The following POC5 variants were observed in gnomAD, a reference collection of about 807,000 sequenced individuals.
The protein encoded by POC5 is POC5 centriolar protein, also known as centrosomal protein POC5.
POC5 carries 48 observed loss-of-function variants against 62.9 expected under a neutral mutation model. That is an observed-to-expected ratio of 0.76 (90% CI 0.61 to 0.97). The LOEUF is 0.97. POC5 is among the 50% of genes least tolerant of loss of function. POC5 has a pLI of 0.00. For missense variants in POC5, 696 were observed against 679.5 expected (o/e 1.02, Z -0.27); for synonymous variants, 236 against 228.2 (o/e 1.03, Z -0.31).
At position 75,677,818 on chromosome 5, in the gene POC5, G is replaced by A. The variant is rs529909612; in HGVS notation, c.1540C>T (p.Pro514Ser). ...TTTTCCACAACAACTGAGCTCATGG[G>A]AGGAGAAACTCCCATTATAGCTAAA... ...SSLAIMGVSP[P>S]MSSVVVEKHH... Residue 514 changes from proline to serine, a missense_variant, in exon 11 of 12, where the codon CCC becomes TCC. Transcript: ENST00000428202. 6 of 1,612,274 alleles carry A rather than the reference G, an allele frequency of 3.7e-6. No individual in the cohort carries two copies. The South Asian group carries it at 5.5e-5, about 15-fold the overall frequency.
chr5:75,690,544 C>A lies in POC5; in HGVS notation c.814G>T (p.Ala272Ser), dbSNP rs760493221. ...AAAGTTCTCTGGTAGTACTGGTCAG[C>A]TAGTTTACCTTCATAAACCTAAATA... ...ARQDVYEGKL[A>S]DQYYQRTLLK... The change falls in exon 8 of 12, where the codon GCT (alanine) becomes TCT (serine). Residue 272 changes from alanine to serine, a missense_variant. Physicochemically the swap from Ala to Ser is moderately conservative, Grantham distance 99 (BLOSUM62 1). Transcript: ENST00000428202. 48 of 1,581,194 alleles carry A rather than the reference C, an allele frequency of 3.0e-5. No homozygotes were observed. Among genetic ancestry groups the A allele is most frequent in the Non-Finnish European group, 3.8e-5 (44 of 1,163,348 alleles).
At position 75,700,965 on chromosome 5, in the gene POC5, A is replaced by G. The variant is rs1409863918; in HGVS notation, c.513+1640T>C. ...ATTTATGCAGCCAAAAAACACATGA[A>G]AAAATGCTCACCATCACTGGCCATC... On this transcript the variant is annotated intron_variant, in intron 5 of 11. Transcript: ENST00000428202. Among the ~76,000 whole-genome samples, 604 of 133,948 alleles carry G rather than the reference A, an allele frequency of 4.5e-3. 6 individuals are homozygous for G. Among genetic ancestry groups the G allele is most frequent in the African/African-American group, 0.015 (549 of 37,428 alleles). 87.9% of individuals were successfully genotyped at this position (133,948 alleles called of 152,430 possible). A position where few individuals can be genotyped will look rare whatever the true frequency, so the allele number is the denominator to read the frequency against.
chr5:75,689,698 A>C, intron 8 of POC5: 1 of 982,334 alleles, frequency 1.0e-6, no homozygotes, highest in Non-Finnish European at 1.2e-6. Context: ...AATTATTTGT[A>C]TTATGGATTT....
chr5:75,692,799 C>T (rs2112127191), intron 6 of POC5, among the ~76,000 whole-genome samples: 1 of 152,032 alleles, frequency 6.6e-6, no homozygotes, highest in African/African-American at 2.4e-5. Context: ...TCAGGTAAAA[C>T]AATTATACAT....
At chr5:75,694,875 T>C (rs1776493730) in intron 5 of POC5, 44 bp from the exon 6 acceptor site, 9 of 1,306,268 alleles carry the variant, frequency 6.9e-6, no homozygotes, top group African/African-American at 1.5e-5. Context: ...TGTTCGTTAA[T>C]ATCACTTCTT....
intron 7 of POC5, among the ~76,000 whole-genome samples, chr5:75,691,840 C>G (rs1417540078): frequency 6.6e-6 from 1 of 151,894 alleles, no homozygotes; most frequent in Non-Finnish European, 1.5e-5. Context: ...ACTGATATAC[C>G]AACTCAGCTC....
intron 10 of POC5, among the ~76,000 whole-genome samples, chr5:75,682,404 G>A (rs1376491934): frequency 6.6e-6 from 1 of 152,172 alleles, no homozygotes; most frequent in Non-Finnish European, 1.5e-5. Context: ...AACACAGTGA[G>A]TGAATGTTTA....
chr5:75,701,210 C>A (rs1459798700), intron 5 of POC5, among the ~76,000 whole-genome samples: 1 of 142,382 alleles, frequency 7.0e-6, no homozygotes, highest in Non-Finnish European at 1.6e-5. Context: ...CCCAGCCATC[C>A]CATTACGGGG....
intron 2 of POC5, among the ~76,000 whole-genome samples, chr5:75,709,288 T>C (rs976536151): frequency 1.3e-5 from 2 of 152,236 alleles, no homozygotes; most frequent in African/African-American, 4.8e-5. Flanking sequence ...TTCATATTGC[T>C]ATAATCAACC....
intron 5 of POC5, among the ~76,000 whole-genome samples, chr5:75,697,123 AAC>A (rs745843547): frequency 2.6e-5 from 4 of 152,358 alleles, no homozygotes; most frequent in Admixed American, 6.5e-5. Context: ...CAAGTTGGAA[AAC>A]ACTCTGCAGG....
chr5:75,696,331 G>C (rs929665238), intron 5 of POC5, among the ~76,000 whole-genome samples: 109 of 152,334 alleles, frequency 7.2e-4, no homozygotes, highest in African/African-American at 2.5e-3. Context: ...GCTTTGAAGA[G>C]AGCAGTGGTT....
rs200023598 is a variant in POC5, at chr5:75,700,650, C to T, written c.513+1955G>A. On this transcript the variant is annotated intron_variant, in intron 5 of 11. Transcript: ENST00000428202. ...AACCTAGGCATTACCATTCAGGACACAGGCATGGGCAAGGACTTCATGTCT... is the reference window on the plus strand; with the variant it reads ...AACCTAGGCATTACCATTCAGGACATAGGCATGGGCAAGGACTTCATGTCT... Among the ~76,000 whole-genome samples the T allele has an allele frequency of 5.7e-3, 855 of 149,176 alleles. 2 individuals are homozygous for T. The highest frequency in any genetic ancestry group is 0.018 in the East Asian group (91 of 5,076).
intron 2 of POC5, chr5:75,712,651 G>C: frequency 1.4e-6 from 1 of 708,242 alleles, no homozygotes; most frequent in African/African-American, 1.8e-5. Flanking sequence ...TGTATGAAGA[G>C]TTCATCAATA....
chr5:75,700,057 G>C (rs919679876), intron 5 of POC5, among the ~76,000 whole-genome samples: 2 of 149,280 alleles, frequency 1.3e-5, no homozygotes, highest in African/African-American at 5.1e-5. Flanking sequence ...CACTGCTCAA[G>C]GAAATAAAAG....
intron 10 of POC5, among the ~76,000 whole-genome samples, chr5:75,683,772 T>C (rs1305946476): frequency 6.6e-6 from 1 of 151,566 alleles, no homozygotes; most frequent in African/African-American, 2.4e-5. Context: ...GGTGCAGTCA[T>C]AACTCATAGT....
chr5:75,684,088 G>T (rs1775983463), intron 10 of POC5, among the ~76,000 whole-genome samples: 1 of 151,976 alleles, frequency 6.6e-6, no homozygotes, highest in Non-Finnish European at 1.5e-5. Context: ...CTATCCTCTT[G>T]GCACTTCTCT....
At position 75,685,283 on chromosome 5, in the gene POC5, G is replaced by A. The variant is rs749750536; in HGVS notation, c.1331C>T (p.Ala444Val). 3.7e-6 allele frequency: 6 copies of A among 1,614,038 alleles called. No homozygotes were observed. The highest frequency in any genetic ancestry group is 3.3e-4 in the Middle Eastern group (2 of 6,062). The change falls in exon 10 of 12, where the codon GCT (alanine) becomes GTT (valine). Residue 444 changes from alanine (A) to valine (V), a missense_variant. Ala to Val is a moderately conservative substitution (Grantham distance 64, BLOSUM62 0). Transcript: ENST00000428202. The stretch of plus-strand genomic sequence containing the variant: ...AGGAACGTGAACAGAAGATGCGGAA[G>A]CAGCCCTGGTAGAAGTCATCGAAGC... ...SAASMTSTRA[A>V]SASSVHVPVS...
At chr5:75,716,675 A>T (rs1742593786) in intron 1 of POC5, among the ~76,000 whole-genome samples, 1 of 152,232 alleles carries the variant, frequency 6.6e-6, no homozygotes, top group Non-Finnish European at 1.5e-5. Flanking sequence ...AGTAGTCTCT[A>T]ATCCAAGGTA....
intron 9 of POC5, 48 bp downstream of exon 9, chr5:75,688,964 C>T (rs759281106): frequency 1.4e-6 from 2 of 1,478,716 alleles, no homozygotes; most frequent in Non-Finnish European, 1.8e-6. Flanking sequence ...AAAATCTCCT[C>T]AAATCTTTTT....
Sources: gnomAD v4.1 joint callset for allele counts (sites outside exome capture counted in the v4.1 genomes callset) on GRCh38, gnomAD v4.1.1 for gene constraint, MANE v1.5 for transcripts, NCBI Gene and HGNC (gene_info 2026-07-23, HGNC 2026-07-21) for gene names.